Variants in CNKSR3 observed in about 807,000 individuals in gnomAD.
CNKSR3 encodes the protein connector enhancer of kinase suppressor of ras 3.
CNKSR3 carries 36 observed loss-of-function variants against 67.7 expected under a neutral mutation model. The ratio of observed to expected loss-of-function variants is 0.53; its 90% CI spans 0.41 to 0.70. The LOEUF (loss-of-function observed/expected upper bound fraction) is 0.70, where lower values mean the gene tolerates loss of function less well. Ranked by LOEUF, CNKSR3 falls within the 30% of genes least tolerant of loss-of-function variation. CNKSR3 has a pLI of 0.00. For synonymous variants in CNKSR3, 281 were observed against 271.4 expected (o/e 1.04, Z -0.35); for missense variants, 630 against 695.2 (o/e 0.91, Z 1.05).
rs1341673261 is a variant in CNKSR3 at position 154,406,423 on chromosome 6, C to T, written c.1599G>A (p.Thr533=). The T allele has an allele frequency of 3.7e-6, 6 of 1,614,142 alleles. No homozygotes were observed. Among genetic ancestry groups the T allele is most frequent in the Admixed American group, 3.3e-5 (2 of 60,026 alleles). The change falls in exon 13 of 13, where the codon ACG becomes ACA. Residue 533 remains threonine, a synonymous_variant. Coordinates refer to ENST00000607772, the MANE Select transcript of CNKSR3 (RefSeq NM_173515.4). The part of the protein sequence containing the change: ...GTKKKSGSSA[T]KSSSTEPSLL... ...GGGACGGTTCTGTGGACGAGGACTT[C>T]GTAGCTGAGGAGCCAGATTTCTTTT... is the stretch of plus-strand genomic sequence containing the variant.
chr6:154,478,068 C>T (rs560512432), intron 1 of CNKSR3, among the ~76,000 whole-genome samples: 2 of 152,248 alleles, frequency 1.3e-5, no homozygotes, highest in East Asian at 1.9e-4. Context: ...AGGCAGGCAC[C>T]GGGGCTGCAG....
intron 1 of CNKSR3, among the ~76,000 whole-genome samples, chr6:154,484,128 T>A (rs1786619157): frequency 6.6e-6 from 1 of 152,168 alleles, no homozygotes; most frequent in African/African-American, 2.4e-5. Context: ...GGCCACAATG[T>A]CATTAACGAC....
At chr6:154,441,991 G>C (rs918212195) in intron 3 of CNKSR3, 97 bp downstream of exon 3, 4 of 1,172,910 alleles carry the variant, frequency 3.4e-6, no homozygotes, top group Admixed American at 2.7e-5. Flanking sequence ...GATATGAAAA[G>C]AACAATGGTT....
Position 154,392,750 on chromosome 6 carries a change from A to G in CNKSR3, c.*13604T>C, listed in dbSNP as rs1377822874. On this transcript the variant is annotated 3_prime_UTR_variant, in exon 13 of 13. Coordinates refer to ENST00000607772, the MANE Select transcript of CNKSR3 (RefSeq NM_173515.4). ...TGCCTCCCCTGACGGCAGCAGCAGA[A>G]TGGGGTCTAAGCCTTGCATTTGATG... 6.6e-6 allele frequency: 1 copy of G among 152,240 alleles called. No individual in the cohort carries two copies. The highest frequency in any genetic ancestry group is 1.5e-5 in the Non-Finnish European group (1 of 68,060). 9.4% of individuals were successfully genotyped at this position (152,240 alleles called of 1,614,324 possible). A position where few individuals can be genotyped will look rare whatever the true frequency, so the allele number is the denominator to read the frequency against.
chr6:154,436,289 A>G, intron 4 of CNKSR3, among the ~76,000 whole-genome samples: 1 of 151,956 alleles, frequency 6.6e-6, no homozygotes, highest in East Asian at 1.9e-4. Flanking sequence ...CTCCCACCTC[A>G]GCCTCCCAAG....
intron 1 of CNKSR3, among the ~76,000 whole-genome samples, chr6:154,492,783 CA>C (rs1786807866): frequency 6.6e-6 from 1 of 150,830 alleles, no homozygotes; most frequent in African/African-American, 2.4e-5. Context: ...AAAAACAACA[CA>C]GATCTTTCCT....
Position 154,419,269 on chromosome 6 carries a change from T to C in CNKSR3, c.945+3237A>G, listed in dbSNP as rs529733318. 9.3e-4 allele frequency among the ~76,000 whole-genome samples: 141 copies of C among 152,228 alleles called. 2 individuals carry two copies. The highest frequency in any genetic ancestry group is 7.9e-3 in the South Asian group (38 of 4,820). On this transcript the variant is annotated intron_variant, in intron 9 of 12. Transcript: ENST00000607772. ...TTTGTTGCCCAGGCTGGTCTTGAAC[T>C]CCTGGGCTCAAACGATCCTCCTTCC...
Position 154,411,146 on chromosome 6 carries a change from G to A in CNKSR3, c.1071-4C>T. 1.3e-6 allele frequency: 2 copies of A among 1,599,240 alleles called. No homozygotes were observed. The highest frequency in any genetic ancestry group is 2.2e-5 in the South Asian group (2 of 90,262). ...AACAAAACTGCCATTCTCATCCCTG[G>A]AAGATAATATGGACAATAATTAAGT... is the stretch of plus-strand genomic sequence containing the variant. On this transcript the variant is annotated splice_polypyrimidine_tract_variant and splice_region_variant and intron_variant, in intron 10 of 12. Coordinates refer to ENST00000607772, the MANE Select transcript of CNKSR3 (RefSeq NM_173515.4).
In CNKSR3 at chr6:154,493,636, C is replaced by T. The variant is rs75187184; in HGVS notation, c.52+16427G>A. Among the ~76,000 whole-genome samples the T allele has an allele frequency of 9.2e-3, 1,399 of 152,102 alleles. 23 individuals carry two copies. The highest frequency in any genetic ancestry group is 0.032 in the African/African-American group (1,329 of 41,478). ...AAACTACCTGAGACTGGGTAATTTA[C>T]AGAGAAAAGTTTAGTTGACTCATAG... On this transcript the variant is annotated intron_variant, in intron 1 of 12. Transcript: ENST00000607772.
intron 7 of CNKSR3, among the ~76,000 whole-genome samples, chr6:154,427,259 A>C (rs1211479148): frequency 6.6e-6 from 1 of 152,248 alleles, no homozygotes; most frequent in Admixed American, 6.5e-5. Flanking sequence ...TTATCAAAAG[A>C]TCTAGCATCT....
At chr6:154,480,563 C>A (rs911380853) in intron 1 of CNKSR3, among the ~76,000 whole-genome samples, 7 of 152,156 alleles carry the variant, frequency 4.6e-5, no homozygotes, top group Non-Finnish European at 8.8e-5. Flanking sequence ...TTAAATTAGT[C>A]AATGCTTACT....
At chr6:154,415,637 G>A (rs55747207) in intron 9 of CNKSR3, among the ~76,000 whole-genome samples, 7 of 152,172 alleles carry the variant, frequency 4.6e-5, no homozygotes, top group African/African-American at 1.7e-4. Context: ...GTGGCTGTGA[G>A]AATTAAGTAA....
intron 2 of CNKSR3, among the ~76,000 whole-genome samples, chr6:154,449,386 G>T (rs961651707): frequency 2.0e-5 from 3 of 152,098 alleles, no homozygotes. Context: ...GCAGTGGTGC[G>T]ATCTCTGCTC....
intron 1 of CNKSR3, among the ~76,000 whole-genome samples, chr6:154,497,492 T>G (rs1786903507): frequency 6.6e-6 from 1 of 152,356 alleles, no homozygotes; most frequent in African/African-American, 2.4e-5. Flanking sequence ...GGATTTCATT[T>G]ACACCTAACT....
chr6:154,389,228 A>G lies in CNKSR3; in HGVS notation c.*17126T>C, dbSNP rs936692841. The stretch of plus-strand genomic sequence containing the variant: ...TAGGAGTTTTACAGCTTCAGATTTT[A>G]TGTTTAAATCTTTAATCCATTTTGA... On this transcript the variant is annotated 3_prime_UTR_variant, in exon 13 of 13. Coordinates refer to ENST00000607772, the MANE Select transcript of CNKSR3 (RefSeq NM_173515.4). 6.6e-6 allele frequency: 1 copy of G among 152,188 alleles called. No homozygotes were observed. The highest frequency in any genetic ancestry group is 1.5e-5 in the Non-Finnish European group (1 of 68,016). 9.4% of individuals were successfully genotyped at this position (152,188 alleles called of 1,614,324 possible).
At chr6:154,497,560 T>G (rs947940939) in intron 1 of CNKSR3, among the ~76,000 whole-genome samples, 2 of 152,222 alleles carry the variant, frequency 1.3e-5, no homozygotes, top group Non-Finnish European at 2.9e-5. Flanking sequence ...AAATTTGTAC[T>G]TTTTTGGTTT....
chr6:154,491,706 T>A (rs1192924863), intron 1 of CNKSR3, among the ~76,000 whole-genome samples: 1 of 152,228 alleles, frequency 6.6e-6, no homozygotes, highest in Non-Finnish European at 1.5e-5. Context: ...TAATTTCTGC[T>A]GAATAACTCT....
intron 9 of CNKSR3, among the ~76,000 whole-genome samples, chr6:154,416,494 CA>C (rs1395126165): frequency 1.3e-5 from 2 of 152,180 alleles, no homozygotes; most frequent in South Asian, 2.1e-4. Context: ...ATCTTAGAAG[CA>C]AAAGTAAACT....
At chr6:154,481,680 G>C (rs537205680) in intron 1 of CNKSR3, among the ~76,000 whole-genome samples, 40 of 152,262 alleles carry the variant, frequency 2.6e-4, no homozygotes, top group African/African-American at 9.6e-4. Context: ...CTTTTTAAAG[G>C]AGACCTGATG....
Sources: allele counts gnomAD v4.1 joint callset (sites outside exome capture counted in the v4.1 genomes callset), GRCh38; gene constraint gnomAD v4.1.1; transcripts MANE v1.5; gene names NCBI Gene and HGNC (gene_info 2026-07-23, HGNC 2026-07-21).